CNTN4: variants seen among roughly 807,000 people sequenced by gnomAD.
CNTN4 encodes contactin 4.
A neutral mutation model predicts 122.5 loss-of-function variants in CNTN4; 77 were observed. That is an observed-to-expected ratio of 0.63 (90% confidence interval 0.52 to 0.76). The LOEUF is 0.76. Ranked by LOEUF, CNTN4 falls within the 30% of genes least tolerant of loss-of-function variation. The probability of loss-of-function intolerance (pLI) is 0.00; values close to 1 mark genes in which losing one functional copy is unlikely to be tolerated. For synonymous variants in CNTN4, 512 were observed against 447.0 expected, an observed-to-expected ratio of 1.15 and a Z score of -1.83; for missense variants, 1,256 against 1,259.1, an observed-to-expected ratio of 1.00 and a Z score of 0.04.
intron 6 of CNTN4, among the ~76,000 whole-genome samples, chr3:2,805,108 C>T (rs372760120): frequency 2.0e-5 from 3 of 152,040 alleles, no homozygotes; most frequent in African/African-American, 7.2e-5. Context: ...ACCTGGGAGG[C>T]GGAGGTTGCA....
chr3:2,125,562 CT>C (rs201659840), intron 2 of CNTN4, among the ~76,000 whole-genome samples: 62,211 of 123,552 alleles, frequency 0.5, 14,500 homozygotes, highest in East Asian at 0.65. Flanking sequence ...TTTTCTTTTT[CT>C]TTTTTTTTTT....
intron 4 of CNTN4, among the ~76,000 whole-genome samples, chr3:2,651,709 T>TC (rs1158468896): frequency 2.9e-5 from 3 of 102,418 alleles, no homozygotes; most frequent in African/African-American, 1.3e-4. Context: ...CTTTTTTTTC[T>TC]TTTTTTTTTT....
chr3:2,627,694 C>A (rs144628299), intron 4 of CNTN4, among the ~76,000 whole-genome samples: 16 of 151,826 alleles, frequency 1.1e-4, no homozygotes, highest in African/African-American at 3.9e-4. Flanking sequence ...GGGGTTTCAC[C>A]GTGTTAGCCA....
In CNTN4 at chr3:2,667,314, T is replaced by A. The variant is rs555511684; in HGVS notation, c.56-68901T>A. On this transcript the variant is annotated intron_variant, in intron 4 of 24. Transcript: ENST00000418658. The stretch of plus-strand genomic sequence containing the variant: ...GGTGTGAGATGGTATCTCATTGTGG[T>A]TTTGATTTGCATTTCTCTGATGGCC... Among the ~76,000 whole-genome samples the A allele has an allele frequency of 3.3e-3, 495 of 152,272 alleles. 3 individuals carry two copies. The South Asian group carries it at 0.035, about 11-fold the overall frequency.
intron 14 of CNTN4, chr3:3,008,960 C>A (rs1025341799): frequency 2.0e-6 from 2 of 985,142 alleles, no homozygotes; most frequent in East Asian, 2.3e-4. Flanking sequence ...TTGGGCTGCA[C>A]GGCTTCAAAC....
At chr3:2,104,158 T>C (rs542524919) in intron 2 of CNTN4, among the ~76,000 whole-genome samples, 2 of 152,164 alleles carry the variant, frequency 1.3e-5, no homozygotes, top group Admixed American at 1.3e-4. Flanking sequence ...CCTCACATCC[T>C]GAGAATTTTG....
chr3:2,308,077 C>G (rs1021804148), intron 2 of CNTN4, among the ~76,000 whole-genome samples: 1 of 152,048 alleles, frequency 6.6e-6, no homozygotes, highest in Non-Finnish European at 1.5e-5. Context: ...ATTTACTTTC[C>G]TTGACACAGG....
intron 4 of CNTN4, among the ~76,000 whole-genome samples, chr3:2,699,196 T>C (rs1559400983): frequency 6.6e-6 from 1 of 152,170 alleles, no homozygotes; most frequent in African/African-American, 2.4e-5. Context: ...TAACTTCAGA[T>C]TAATGAGGAC....
At chr3:2,311,807 T>G (rs1422270470) in intron 2 of CNTN4, among the ~76,000 whole-genome samples, 1 of 152,096 alleles carries the variant, frequency 6.6e-6, no homozygotes, top group Non-Finnish European at 1.5e-5. Context: ...TGGGAAATGG[T>G]TGAATAGAAA....
At chr3:2,377,104 C>T (rs749948050) in intron 3 of CNTN4, among the ~76,000 whole-genome samples, 2 of 150,860 alleles carry the variant, frequency 1.3e-5, no homozygotes, top group South Asian at 2.1e-4. Context: ...TGCAGTGAGC[C>T]GAGATTGCGC....
At chr3:2,690,246 T>A (rs147832085) in intron 4 of CNTN4, among the ~76,000 whole-genome samples, 4 of 152,136 alleles carry the variant, frequency 2.6e-5, no homozygotes, top group African/African-American at 9.7e-5. Context: ...GACAGGTAAT[T>A]AGAGGTAAAA....
intron 2 of CNTN4, among the ~76,000 whole-genome samples, chr3:2,201,034 T>A (rs2038073381): frequency 6.6e-6 from 1 of 152,176 alleles, no homozygotes; most frequent in South Asian, 2.1e-4. Flanking sequence ...TGCCACCTTT[T>A]TTCCCTGAGA....
intron 18 of CNTN4, 74 bp downstream of exon 18, chr3:3,037,402 C>T: frequency 6.3e-7 from 1 of 1,593,126 alleles, no homozygotes; most frequent in Non-Finnish European, 8.6e-7. Flanking sequence ...TGAATTCTTG[C>T]TGCTCTTCAG....
intron 2 of CNTN4, among the ~76,000 whole-genome samples, chr3:2,148,389 A>ACC (rs974444648): frequency 6.6e-6 from 1 of 151,446 alleles, no homozygotes; most frequent in Non-Finnish European, 1.5e-5. Flanking sequence ...AAAAAAAAAA[A>ACC]TTAGCCTTGG....
chr3:2,753,258 C>T (rs1234888815), intron 6 of CNTN4, among the ~76,000 whole-genome samples: 1 of 152,136 alleles, frequency 6.6e-6, no homozygotes. Flanking sequence ...ATTTCGTGAG[C>T]TTGAACAAGG....
chr3:2,855,003 C>T (rs1275396096), intron 7 of CNTN4, among the ~76,000 whole-genome samples: 3 of 152,234 alleles, frequency 2.0e-5, no homozygotes, highest in South Asian at 2.1e-4. Context: ...AATTTTCCTA[C>T]GAAATATATT....
chr3:3,039,510 T>G, intron 19 of CNTN4: 1 of 176,002 alleles, frequency 5.7e-6, no homozygotes, highest in Non-Finnish European at 1.2e-5. Flanking sequence ...AAAGGGTTCT[T>G]CATGTTTTTG....
intron 6 of CNTN4, among the ~76,000 whole-genome samples, chr3:2,804,566 T>A (rs958563921): frequency 1.3e-5 from 2 of 152,294 alleles, no homozygotes; most frequent in Non-Finnish European, 2.9e-5. Flanking sequence ...ACTCAATAAA[T>A]CTTAGCTCTA....
intron 6 of CNTN4, among the ~76,000 whole-genome samples, chr3:2,778,246 AAATAAAT>A: frequency 7.3e-6 from 1 of 137,440 alleles, no homozygotes; most frequent in East Asian, 2.2e-4. Flanking sequence ...ATAAATAAAT[AAATAAAT>A]AAAATAAAGA....
Sources: gnomAD v4.1 joint callset for allele counts (sites outside exome capture counted in the v4.1 genomes callset) on GRCh38, gnomAD v4.1.1 for gene constraint, MANE v1.5 for transcripts, NCBI Gene and HGNC (gene_info 2026-07-23, HGNC 2026-07-21) for gene names.